Variants in MGAT4C observed in about 807,000 individuals in gnomAD.
MGAT4C encodes the protein MGAT4 family member C.
MGAT4C carries 19 observed loss-of-function variants against 40.1 expected under a neutral mutation model. That is an observed-to-expected ratio of 0.47 (90% CI 0.33 to 0.70). The LOEUF (loss-of-function observed/expected upper bound fraction) is 0.70. MGAT4C is among the 30% of genes least tolerant of loss of function. The probability of loss-of-function intolerance (pLI) is 0.02; values close to 1 mark genes in which losing one functional copy is unlikely to be tolerated. For missense variants in MGAT4C, 491 were observed against 563.2 expected, an observed-to-expected ratio of 0.87 and a Z score of 1.30; for synonymous variants, 181 against 187.1, an observed-to-expected ratio of 0.97 and a Z score of 0.27.
intron 2 of MGAT4C, among the ~76,000 whole-genome samples, chr12:86,542,857 C>T (rs573906509): frequency 6.6e-6 from 1 of 152,264 alleles, no homozygotes; most frequent in South Asian, 2.1e-4. Context: ...TGCATCAAAA[C>T]TATTTTCCCA....
At chr12:86,336,105 A>G (rs1282220797) in intron 3 of MGAT4C, among the ~76,000 whole-genome samples, 1 of 152,128 alleles carries the variant, frequency 6.6e-6, no homozygotes, top group Non-Finnish European at 1.5e-5. Context: ...ATACCATGTA[A>G]GTGTTATGTA....
In MGAT4C at chr12:86,027,354, T is replaced by A. The variant is rs201752309; in HGVS notation, c.-7+22320A>T. 7.9e-5 allele frequency among the ~76,000 whole-genome samples: 12 copies of A among 152,036 alleles called. No individual in the cohort carries two copies. The East Asian group carries it at 2.1e-3, about 27-fold the overall frequency. ...TTAAAGATAATTTAAAATTTTTATA[T>A]TTTAAAGTAATTTTGTTACATTTTT... is the stretch of plus-strand genomic sequence containing the variant. On this transcript the variant is annotated intron_variant, in intron 2 of 4. Coordinates refer to ENST00000611864, the MANE Select transcript of MGAT4C (RefSeq NM_001351288.2).
chr12:86,239,724 C>G (rs1408223088), intron 1 of MGAT4C, among the ~76,000 whole-genome samples: 4 of 151,784 alleles, frequency 2.6e-5, no homozygotes, highest in Non-Finnish European at 5.9e-5. Flanking sequence ...TTTTATAATT[C>G]TTTTTCTTTT....
At position 85,963,834 on chromosome 12, in the gene MGAT4C, A is replaced by T. The variant is rs1350811715; in HGVS notation, c.*15455T>A. The T allele has an allele frequency of 3.9e-5, 6 of 152,040 alleles. No homozygotes were observed. The highest frequency in any genetic ancestry group is 1.4e-4 in the African/African-American group (6 of 41,424). The allele number at this position is 152,040 out of a possible 1,614,324, so 9.4% of individuals were successfully genotyped here. A position where few individuals can be genotyped will look rare whatever the true frequency, so the allele number is the denominator to read the frequency against. ...ACATAAACAGTAAAGCCAACACAATAAGTAAAATAAGAGAAAGTAGAATGC... is the reference window on the plus strand; with the variant it reads ...ACATAAACAGTAAAGCCAACACAATTAGTAAAATAAGAGAAAGTAGAATGC... On this transcript the variant is annotated 3_prime_UTR_variant, in exon 5 of 5. Coordinates refer to ENST00000611864, the MANE Select transcript of MGAT4C (RefSeq NM_001351288.2).
chr12:86,498,934 T>C (rs1958288239), intron 2 of MGAT4C, among the ~76,000 whole-genome samples: 1 of 151,912 alleles, frequency 6.6e-6, no homozygotes, highest in Admixed American at 6.6e-5. Flanking sequence ...AAAAAAAAGG[T>C]GAATTGCTTG....
At chr12:86,360,139 G>A (rs1400710480) in intron 3 of MGAT4C, among the ~76,000 whole-genome samples, 2 of 152,174 alleles carry the variant, frequency 1.3e-5, no homozygotes, top group Admixed American at 6.5e-5. Flanking sequence ...TATCCACCAT[G>A]ATCAAGTCAG....
intron 2 of MGAT4C, among the ~76,000 whole-genome samples, chr12:86,540,569 C>G (rs903561333): frequency 3.3e-5 from 5 of 152,060 alleles, no homozygotes; most frequent in Admixed American, 1.3e-4. Flanking sequence ...AACCCTGTCT[C>G]TACTAAAAAT....
chr12:86,567,950 G>A (rs1960202213), intron 2 of MGAT4C, among the ~76,000 whole-genome samples: 1 of 152,114 alleles, frequency 6.6e-6, no homozygotes, highest in Non-Finnish European at 1.5e-5. Flanking sequence ...TGTGCTTCTG[G>A]TCGACAAAGG....
intron 1 of MGAT4C, among the ~76,000 whole-genome samples, chr12:86,774,345 C>CTG (rs1951708548): frequency 1.3e-4 from 2 of 14,910 alleles, no homozygotes; most frequent in Non-Finnish European, 2.8e-4. Flanking sequence ...CTTTCTGTCT[C>CTG]TCTCTCTCCC....
At chr12:86,675,138 A>C (rs975857307) in intron 2 of MGAT4C, among the ~76,000 whole-genome samples, 2 of 152,186 alleles carry the variant, frequency 1.3e-5, no homozygotes, top group Admixed American at 1.3e-4. Flanking sequence ...TTTTAATGCT[A>C]GCCTAGTTCT....
chr12:86,091,464 A>AT (rs1872873026), intron 1 of MGAT4C, among the ~76,000 whole-genome samples: 1 of 152,042 alleles, frequency 6.6e-6, no homozygotes, highest in Non-Finnish European at 1.5e-5. Context: ...AGCAGAGCAT[A>AT]AAGTGGCTAA....
intron 2 of MGAT4C, among the ~76,000 whole-genome samples, chr12:86,679,056 AG>A (rs1299541645): frequency 6.6e-6 from 1 of 152,054 alleles, no homozygotes; most frequent in Non-Finnish European, 1.5e-5. Flanking sequence ...ACAGTGTAAA[AG>A]TGTTCCTATG....
chr12:86,766,024 C>G (rs914124176), intron 1 of MGAT4C, among the ~76,000 whole-genome samples: 2 of 152,038 alleles, frequency 1.3e-5, no homozygotes, highest in Non-Finnish European at 2.9e-5. Flanking sequence ...ACAATATTAA[C>G]CTTAAATGTA....
chr12:86,540,676 C>T (rs952131961), intron 2 of MGAT4C, among the ~76,000 whole-genome samples: 3 of 152,060 alleles, frequency 2.0e-5, no homozygotes, highest in Non-Finnish European at 4.4e-5. Flanking sequence ...GCGGAGGTTG[C>T]AGTGAGCCGA....
At chr12:86,060,640 A>G (rs1030919528) in intron 1 of MGAT4C, among the ~76,000 whole-genome samples, 1 of 152,228 alleles carries the variant, frequency 6.6e-6, no homozygotes, top group African/African-American at 2.4e-5. Flanking sequence ...AGCTGTTAAA[A>G]TCTAAGAGAG....
At chr12:86,359,910 A>C (rs550952277) in intron 3 of MGAT4C, among the ~76,000 whole-genome samples, 1 of 152,350 alleles carries the variant, frequency 6.6e-6, no homozygotes, top group South Asian at 2.1e-4. Flanking sequence ...TACAAAGAGG[A>C]GCTGGTACCA....
chr12:86,630,491 C>T (rs1225042475), intron 2 of MGAT4C, among the ~76,000 whole-genome samples: 1 of 152,000 alleles, frequency 6.6e-6, no homozygotes, highest in African/African-American at 2.4e-5. Flanking sequence ...AACATCGATG[C>T]AAAAATCCTC....
At chr12:86,567,148 G>C (rs1195575261) in intron 2 of MGAT4C, among the ~76,000 whole-genome samples, 4 of 152,126 alleles carry the variant, frequency 2.6e-5, no homozygotes, top group African/African-American at 9.7e-5. Context: ...ATATGGTACT[G>C]TTTCTCCCAT....
chr12:86,169,776 G>A (rs1272966645), intron 1 of MGAT4C, among the ~76,000 whole-genome samples: 2 of 151,992 alleles, frequency 1.3e-5, no homozygotes, highest in African/African-American at 4.8e-5. Flanking sequence ...ACCTTTGAGG[G>A]GAAAACTGGA....
Sources: gnomAD v4.1 joint callset for allele counts (sites outside exome capture counted in the v4.1 genomes callset) on GRCh38, gnomAD v4.1.1 for gene constraint, MANE v1.5 for transcripts, NCBI Gene and HGNC (gene_info 2026-07-23, HGNC 2026-07-21) for gene names.